Variants in HERC3 observed in about 807,000 individuals in gnomAD.
HERC3 encodes the protein HECT and RLD domain containing E3 ubiquitin protein ligase 3, also known as probable E3 ubiquitin-protein ligase HERC3.
A neutral mutation model predicts 129.9 loss-of-function variants in HERC3; 58 were observed. That is an observed-to-expected ratio of 0.45 (90% CI 0.36 to 0.56). The LOEUF is 0.56. Ranked by LOEUF, HERC3 falls within the 20% of genes least tolerant of loss-of-function variation. The pLI is 0.00. For synonymous variants in HERC3, 430 were observed against 451.0 expected, an observed-to-expected ratio of 0.95 and a Z score of 0.59; for missense variants, 835 against 1,244.2, an observed-to-expected ratio of 0.67 and a Z score of 4.95.
the HERC3 span, among the ~76,000 whole-genome samples, chr4:88,543,002 G>A: frequency 6.6e-6 from 1 of 152,104 alleles, no homozygotes; most frequent in Non-Finnish European, 1.5e-5. Context: ...GCAAAAACTG[G>A]AGGCATTCCC....
the HERC3 span, among the ~76,000 whole-genome samples, chr4:88,556,495 C>T: frequency 2.0e-5 from 3 of 152,158 alleles, no homozygotes; most frequent in African/African-American, 7.2e-5. Context: ...TTTATGAGAG[C>T]CTATTATGTG....
the HERC3 span, among the ~76,000 whole-genome samples, chr4:88,564,593 T>C: frequency 6.6e-6 from 1 of 152,174 alleles, no homozygotes; most frequent in African/African-American, 2.4e-5. Context: ...AATGTCTCCT[T>C]TTCCATCTCT....
In HERC3 at chr4:88,670,256, A is replaced by G; in HGVS notation, c.1911+4A>G. Reference sequence around the variant, plus strand: ...GTTCTTGCATCAAGCAGGGATGGTAAGAATTCATAAAGCATATTTTAAAGC... The same window carrying G: ...GTTCTTGCATCAAGCAGGGATGGTAGGAATTCATAAAGCATATTTTAAAGC... On this transcript the variant is annotated splice_donor_region_variant and intron_variant, in intron 16 of 25. Coordinates refer to ENST00000402738, the MANE Select transcript of HERC3 (RefSeq NM_014606.3). The G allele has an allele frequency of 3.8e-6, 6 of 1,559,890 alleles. No individual in the cohort carries two copies. The highest frequency in any genetic ancestry group is 5.3e-6 in the Non-Finnish European group (6 of 1,131,150).
At chr4:88,539,666 C>T in the HERC3 span, among the ~76,000 whole-genome samples, 5 of 152,080 alleles carry the variant, frequency 3.3e-5, no homozygotes, top group East Asian at 5.8e-4. Context: ...CAGTAGGGGG[C>T]GACAGACACC....
intron 23 of HERC3, chr4:88,692,841 A>G (rs1388756211): frequency 2.1e-6 from 2 of 958,906 alleles, no homozygotes; most frequent in East Asian, 2.3e-4. Context: ...GGGTACCAGC[A>G]TATGGCCTCT....
chr4:88,601,761 A>G (rs912476481), intron 2 of HERC3, among the ~76,000 whole-genome samples: 3 of 132,034 alleles, frequency 2.3e-5, no homozygotes, highest in African/African-American at 1.3e-4. Context: ...TATGATTAGA[A>G]AAGGATATTC....
At chr4:88,596,300 C>T (rs1578133446) in intron 2 of HERC3, among the ~76,000 whole-genome samples, 1 of 152,194 alleles carries the variant, frequency 6.6e-6, no homozygotes, top group Non-Finnish European at 1.5e-5. Context: ...ACTCTGTCCC[C>T]TTTAGACATT....
chr4:88,624,093 A>T (rs1418441143), intron 3 of HERC3, among the ~76,000 whole-genome samples: 1 of 152,192 alleles, frequency 6.6e-6, no homozygotes, highest in Admixed American at 6.5e-5. Context: ...GTTGATCCAC[A>T]TTGTTGCACA....
intron 23 of HERC3, among the ~76,000 whole-genome samples, chr4:88,688,445 T>C (rs558952358): frequency 2.6e-5 from 4 of 152,280 alleles, no homozygotes. Flanking sequence ...AGGTAAAGGA[T>C]GTTAACAGCC....
At position 88,678,171 on chromosome 4, in the gene HERC3, C is replaced by T. The variant is rs773697580; in HGVS notation, c.2196+37C>T. On this transcript the variant is annotated intron_variant, in intron 19 of 25. Transcript: ENST00000402738. ...CAGGATATTCCTCTAAATACCTTCG[C>T]AATTTTTCTTTGAACAGTGTTGATT... is the stretch of plus-strand genomic sequence containing the variant. 1.1e-5 allele frequency: 17 copies of T among 1,586,748 alleles called. No homozygotes were observed. The East Asian group carries it at 3.6e-4, about 33-fold the overall frequency.
At chr4:88,571,679 T>C in the HERC3 span, among the ~76,000 whole-genome samples, 2 of 152,342 alleles carry the variant, frequency 1.3e-5, no homozygotes, top group South Asian at 2.1e-4. Flanking sequence ...GTGAGATTTG[T>C]TGGTCCAAAA....
At chr4:88,543,360 C>T in the HERC3 span, among the ~76,000 whole-genome samples, 2 of 151,982 alleles carry the variant, frequency 1.3e-5, no homozygotes, top group African/African-American at 2.4e-5. Flanking sequence ...TAAAATACCT[C>T]GGAATCAAAC....
chr4:88,549,323 A>ATT, the HERC3 span, among the ~76,000 whole-genome samples: 38 of 151,442 alleles, frequency 2.5e-4, no homozygotes, highest in African/African-American at 9.2e-4. Flanking sequence ...CTTTTTTTAA[A>ATT]AAAAAAAACA....
the HERC3 span, among the ~76,000 whole-genome samples, chr4:88,559,514 A>C: frequency 5.3e-5 from 8 of 152,194 alleles, no homozygotes; most frequent in Admixed American, 4.6e-4. Flanking sequence ...GTTTTTACAG[A>C]TTCCAGATAT....
chr4:88,563,550 G>A, the HERC3 span, among the ~76,000 whole-genome samples: 1 of 152,140 alleles, frequency 6.6e-6, no homozygotes, highest in African/African-American at 2.4e-5. Context: ...GAATAAGAAA[G>A]GTGAAAGTGG....
chr4:88,630,664 A>G (rs981059508), intron 3 of HERC3, among the ~76,000 whole-genome samples: 6 of 152,222 alleles, frequency 3.9e-5, no homozygotes, highest in Admixed American at 6.5e-5. Flanking sequence ...TTATGATTTC[A>G]GTCCTCTTAG....
intron 21 of HERC3, among the ~76,000 whole-genome samples, chr4:88,683,384 A>G (rs1448056560): frequency 6.6e-6 from 1 of 152,194 alleles, no homozygotes; most frequent in Non-Finnish European, 1.5e-5. Context: ...GGATGGGAGG[A>G]CACACAGAGT....
chr4:88,658,540 C>T (rs750260693), intron 10 of HERC3, 49 bp downstream of exon 10: 1 of 929,382 alleles, frequency 1.1e-6, no homozygotes, highest in African/African-American at 1.7e-5. Context: ...TAATAGTGAA[C>T]CAACATTTCT....
At chr4:88,660,645 C>T (rs1425774981) in intron 10 of HERC3, among the ~76,000 whole-genome samples, 1 of 152,202 alleles carries the variant, frequency 6.6e-6, no homozygotes, top group Non-Finnish European at 1.5e-5. Context: ...TAAACCATAG[C>T]ATCTCCTTTT....
Sources: gnomAD v4.1 joint callset for allele counts (sites outside exome capture counted in the v4.1 genomes callset) on GRCh38, gnomAD v4.1.1 for gene constraint, MANE v1.5 for transcripts, NCBI Gene and HGNC (gene_info 2026-07-23, HGNC 2026-07-21) for gene names.